SFTPB: variants seen among roughly 807,000 people sequenced by gnomAD.
The protein encoded by SFTPB is pulmonary surfactant-associated protein B.
In SFTPB, 32 loss-of-function variants were observed where a neutral mutation model predicts 51.0. The ratio of observed to expected loss-of-function variants is 0.63; its 90% CI spans 0.47 to 0.84. The LOEUF (loss-of-function observed/expected upper bound fraction) is 0.84. Ranked by LOEUF, SFTPB falls within the 40% of genes least tolerant of loss-of-function variation. SFTPB has a pLI of 0.00. For missense variants in SFTPB, 431 were observed against 491.2 expected, an observed-to-expected ratio of 0.88 and a Z score of 1.16; for synonymous variants, 211 against 208.5, an observed-to-expected ratio of 1.01 and a Z score of -0.10.
intron 6 of SFTPB, among the ~76,000 whole-genome samples, chr2:85,664,798 CATTTGGGCCCCA>C (rs1483645273): frequency 1.3e-5 from 2 of 152,230 alleles, no homozygotes; most frequent in African/African-American, 4.8e-5. Context: ...GGCCTTTCCT[CATTTGGGCCCCA>C]ATTTGGGCAA....
intron 4 of SFTPB, 178 bp downstream of exon 4, chr2:85,666,439 G>C (rs1248424237): frequency 1.0e-5 from 6 of 583,856 alleles, no homozygotes; most frequent in Admixed American, 2.3e-5. Flanking sequence ...GTGTGTGTGT[G>C]TGTGTGTCCG....
intron 6 of SFTPB, among the ~76,000 whole-genome samples, chr2:85,664,581 C>T (rs1677478999): frequency 6.6e-6 from 1 of 152,220 alleles, no homozygotes; most frequent in Non-Finnish European, 1.5e-5. Context: ...TCTCCTGCCT[C>T]AGCCTCCCGA....
intron 3 of SFTPB, 82 bp from the exon 4 acceptor site, chr2:85,666,824 G>A: frequency 6.3e-7 from 1 of 1,576,466 alleles, no homozygotes; most frequent in Non-Finnish European, 8.7e-7. Context: ...CCCCACCAGG[G>A]CAGACTGACC....
intron 8 of SFTPB, among the ~76,000 whole-genome samples, chr2:85,662,896 G>T (rs949019771): frequency 6.6e-6 from 1 of 150,958 alleles, no homozygotes; most frequent in African/African-American, 2.4e-5. Flanking sequence ...CTGAGTATTG[G>T]CAAGGGCCCT....
chr2:85,666,455 C>T, intron 4 of SFTPB, 162 bp downstream of exon 4: 2 of 597,174 alleles, frequency 3.3e-6, no homozygotes, highest in South Asian at 3.7e-5. Flanking sequence ...GTCCGGCTGG[C>T]TGGGGTGCTG....
upstream of SFTPB, chr2:85,668,333 G>A: frequency 1.4e-6 from 1 of 724,912 alleles, no homozygotes. Flanking sequence ...TTCCCAGCAG[G>A]AACACTCCTG....
chr2:85,657,312 C>T (rs1558882422), downstream of SFTPB: 1 of 152,200 alleles, frequency 6.6e-6, no homozygotes, highest in Non-Finnish European at 1.5e-5. Context: ...ATTGGCTCTT[C>T]ATTGTCTCAA....
chr2:85,666,441 G>GTT (rs1677624879), intron 4 of SFTPB, 176 bp downstream of exon 4: 1 of 587,154 alleles, frequency 1.7e-6, no homozygotes, highest in Non-Finnish European at 3.1e-6. Context: ...GTGTGTGTGT[G>GTT]TGTGTCCGGC....
chr2:85,666,200 GGTGCTGTGTGT>G (rs1206738652), intron 4 of SFTPB, among the ~76,000 whole-genome samples: 4 of 144,310 alleles, frequency 2.8e-5, no homozygotes, highest in Admixed American at 1.4e-4. Context: ...GGCCAGCTGG[GGTGCTGTGTGT>G]GTGCTGTGTG....
intron 4 of SFTPB, 123 bp from the exon 5 acceptor site, chr2:85,665,917 G>T: frequency 1.1e-6 from 1 of 873,888 alleles, no homozygotes; most frequent in African/African-American, 1.7e-5. Flanking sequence ...GGGTGCTGTG[G>T]TTTAGAACTC....
At chr2:85,662,204 C>A in intron 8 of SFTPB, 95 bp from the exon 9 acceptor site, 1 of 1,546,006 alleles carries the variant, frequency 6.5e-7, no homozygotes, top group Non-Finnish European at 8.8e-7. Flanking sequence ...CACTCTAGGG[C>A]TCCCTCCCGA....
Position 85,661,458 on chromosome 2 carries a change from A to G in SFTPB, c.*15T>C, listed in dbSNP as rs371255380. ...CAACTGGGGGCCTGGACTCACCTGG[A>G]CAGCTGAGTTCTCATCAAAGGTCGG... On this transcript the variant is annotated 3_prime_UTR_variant, in exon 10 of 11. Transcript: ENST00000519937. 5 of 1,606,162 alleles carry G rather than the reference A, an allele frequency of 3.1e-6. No homozygotes were observed. Among genetic ancestry groups the G allele is most frequent in the Non-Finnish European group, 4.3e-6 (5 of 1,175,500 alleles).
At position 85,663,669 on chromosome 2, in the gene SFTPB, C is replaced by T; in HGVS notation, c.851G>A (p.Gly284Asp). 6.2e-7 allele frequency: 1 copy of T among 1,611,216 alleles called. No individual in the cohort carries two copies. The highest frequency in any genetic ancestry group is 8.5e-7 in the Non-Finnish European group (1 of 1,178,964). The change falls in exon 7 of 11, where the codon GGC becomes GAC. Residue 284 changes from glycine to aspartate, a missense_variant. Transcript: ENST00000519937. Reference sequence around the variant, plus strand: ...GGAGTGGGCAGTGGGCTCACTTGGGCCAGCGCTGTCATCCATGGAGCACCG... The same window carrying T: ...GGAGTGGGCAGTGGGCTCACTTGGGTCAGCGCTGTCATCCATGGAGCACCG... ...VLRCSMDDSA[G>D]PRSPTGEWLP...
intron 8 of SFTPB, 199 bp from the exon 9 acceptor site, chr2:85,662,308 C>G (rs1457721701): frequency 7.0e-7 from 1 of 1,437,194 alleles, no homozygotes; most frequent in African/African-American, 1.4e-5. Flanking sequence ...ATCAGAAAAG[C>G]AGGCGACACT....
Position 85,659,669 on chromosome 2 carries a change from CT to C in SFTPB, c.*32del. 1.3e-5 allele frequency: 2 copies of C among 152,636 alleles called. No individual in the cohort carries two copies. Among genetic ancestry groups the C allele is most frequent in the Non-Finnish European group, 2.9e-5 (2 of 68,270 alleles). The allele number at this position is 152,636 out of a possible 1,614,324, so 9.5% of individuals were successfully genotyped here. A position where few individuals can be genotyped will look rare whatever the true frequency, so the allele number is the denominator to read the frequency against. On this transcript the variant is annotated 3_prime_UTR_variant, in exon 11 of 11. Transcript: ENST00000519937. ...TGGTCCCAGAGCCCGTCTCACTTGG[CT>C]TTTCCTTTGCAGCTGAGGAGGATGA... is the stretch of plus-strand genomic sequence containing the variant.
Position 85,665,753 on chromosome 2 carries a change from G to A in SFTPB, c.435C>T (p.Ser145=). The change falls in exon 5 of 11, where the codon TCC becomes TCT. Residue 145 remains serine, a synonymous_variant. Coordinates refer to ENST00000519937, the MANE Select transcript of SFTPB (RefSeq NM_000542.5). ...GCTCCTGCTCTGGCTCTGGCTGCCG[G>A]GATTTGCACAGGCCCAGGTGCATAC... ...GICMHLGLCK[S]RQPEPEQEPG... The A allele has an allele frequency of 6.2e-7, 1 of 1,614,210 alleles. No homozygotes were observed. The highest frequency in any genetic ancestry group is 8.5e-7 in the Non-Finnish European group (1 of 1,180,040).
At position 85,667,086 on chromosome 2, in the gene SFTPB, C is replaced by T; in HGVS notation, c.267+20G>A. 5 of 1,595,504 alleles carry T rather than the reference C, an allele frequency of 3.1e-6. No homozygotes were observed. Among genetic ancestry groups the T allele is most frequent in the Non-Finnish European group, 3.4e-6 (4 of 1,162,984 alleles). ...CATCTCTTGGGCCCCAACCTTCATCCAGGATCTGGGCATCATTACCTGGAA... is the reference window on the plus strand; with the variant it reads ...CATCTCTTGGGCCCCAACCTTCATCTAGGATCTGGGCATCATTACCTGGAA... On this transcript the variant is annotated intron_variant, in intron 3 of 10. Coordinates refer to ENST00000519937, the MANE Select transcript of SFTPB (RefSeq NM_000542.5).
chr2:85,666,249 GTCTGGCTGGCTGGGGTACTGTGTGGGTA>G (rs1573476723), intron 4 of SFTPB, among the ~76,000 whole-genome samples: 1 of 135,632 alleles, frequency 7.4e-6, no homozygotes. Flanking sequence ...GTGTGTGTGT[GTCTGGCTGGCTGGGGTACTGTGTGGGTA>G]TGTGTCTGGA....
Position 85,662,052 on chromosome 2 carries a change from A to G in SFTPB, c.1060T>C (p.Trp354Arg). 1 of 1,601,446 alleles carries G rather than the reference A, an allele frequency of 6.2e-7. No homozygotes were observed. Among genetic ancestry groups the G allele is most frequent in the South Asian group, 1.1e-5 (1 of 87,954 alleles). Residue 354 changes from tryptophan to arginine, a missense_variant, in exon 9 of 11, where the codon TGG becomes CGG. Trp to Arg is a moderately radical substitution (Grantham distance 101, BLOSUM62 -3). Coordinates refer to ENST00000519937, the MANE Select transcript of SFTPB (RefSeq NM_000542.5). The part of the protein sequence containing the change: ...PQLLTLVPRG[W>R]DAHTTCQALG... ...ACCTGGCAGGTGGTGTGGGCATCCC[A>G]GCCCCTGGGCACCAGGGTCAGCAGC...
Sources: allele counts gnomAD v4.1 joint callset (sites outside exome capture counted in the v4.1 genomes callset), GRCh38; gene constraint gnomAD v4.1.1; transcripts MANE v1.5; gene names NCBI Gene and HGNC (gene_info 2026-07-23, HGNC 2026-07-21).